KLHL29: variants seen among roughly 807,000 people sequenced by gnomAD.
The protein encoded by KLHL29 is kelch like family member 29, also known as kelch-like protein 29.
KLHL29 carries 21 observed loss-of-function variants against 80.4 expected under a neutral mutation model. The ratio of observed to expected loss-of-function variants is 0.26; its 90% CI spans 0.19 to 0.38. KLHL29 has a LOEUF of 0.38. Among genes scored for constraint, KLHL29 ranks in the 10% least tolerant of loss-of-function variants. The pLI, the probability that KLHL29 is intolerant of heterozygous loss-of-function variation, is 1.00. For synonymous variants in KLHL29, 511 were observed against 526.8 expected, an observed-to-expected ratio of 0.97 and a Z score of 0.41; for missense variants, 867 against 1,223.9, an observed-to-expected ratio of 0.71 and a Z score of 4.35.
At chr2:23,410,582 C>T (rs756064360) in intron 1 of KLHL29, among the ~76,000 whole-genome samples, 3 of 152,026 alleles carry the variant, frequency 2.0e-5, no homozygotes, top group Admixed American at 6.6e-5. Flanking sequence ...ACAGAAATTT[C>T]GAGGAATCAT....
intron 5 of KLHL29, among the ~76,000 whole-genome samples, chr2:23,660,586 C>A (rs73922003): frequency 1.5e-4 from 23 of 152,348 alleles, no homozygotes; most frequent in African/African-American, 5.5e-4. Flanking sequence ...CAAAAAGGGA[C>A]AAGGGGCACA....
At chr2:23,650,527 G>T (rs1241093310) in intron 5 of KLHL29, among the ~76,000 whole-genome samples, 1 of 152,214 alleles carries the variant, frequency 6.6e-6, no homozygotes, top group African/African-American at 2.4e-5. Context: ...TCATCAGTCA[G>T]TGTTTGCTGG....
intron 2 of KLHL29, among the ~76,000 whole-genome samples, chr2:23,550,626 C>T (rs1409152491): frequency 1.3e-5 from 2 of 152,148 alleles, no homozygotes; most frequent in East Asian, 1.9e-4. Context: ...TATGATCTGC[C>T]GGCCATGTGA....
chr2:23,432,381 T>A (rs1663205742), intron 1 of KLHL29, among the ~76,000 whole-genome samples: 1 of 152,268 alleles, frequency 6.6e-6, no homozygotes, highest in African/African-American at 2.4e-5. Flanking sequence ...TTACAGTTAT[T>A]TCCCTGGTTA....
chr2:23,667,348 G>A (rs1670581160), intron 5 of KLHL29: 1 of 152,142 alleles, frequency 6.6e-6, no homozygotes, highest in South Asian at 2.1e-4. Context: ...AGAACAAAAA[G>A]GCAAAAACAT....
intron 3 of KLHL29, among the ~76,000 whole-genome samples, chr2:23,599,513 T>C (rs975572663): frequency 6.6e-6 from 1 of 150,906 alleles, no homozygotes; most frequent in Non-Finnish European, 1.5e-5. Flanking sequence ...TATTTTTCTA[T>C]ATTACATTCT....
At chr2:23,391,916 G>T (rs1263319525) in intron 1 of KLHL29, among the ~76,000 whole-genome samples, 4 of 152,138 alleles carry the variant, frequency 2.6e-5, no homozygotes, top group Non-Finnish European at 4.4e-5. Flanking sequence ...GCTTTCCTTG[G>T]GGGCTTGTCC....
intron 2 of KLHL29, among the ~76,000 whole-genome samples, chr2:23,552,178 A>C (rs1667147927): frequency 6.6e-6 from 1 of 152,202 alleles, no homozygotes; most frequent in African/African-American, 2.4e-5. Flanking sequence ...GGCTTTGTGT[A>C]ACTGAAACTT....
At chr2:23,387,856 A>G (rs1666224405) in intron 1 of KLHL29, among the ~76,000 whole-genome samples, 2 of 152,246 alleles carry the variant, frequency 1.3e-5, no homozygotes, top group African/African-American at 4.8e-5. Flanking sequence ...ATTTAATGGC[A>G]TTTAAATTGG....
rs1312494362 is a variant in KLHL29 at position 23,475,161 on chromosome 2, T to TC, written c.-153-395dup. Among the ~76,000 whole-genome samples the TC allele has an allele frequency of 2.0e-5, 3 of 152,296 alleles. No individual in the cohort carries two copies. The East Asian group carries it at 5.8e-4, about 29-fold the overall frequency. On this transcript the variant is annotated intron_variant, in intron 1 of 13. Coordinates refer to ENST00000486442, the MANE Select transcript of KLHL29 (RefSeq NM_052920.2). ...ATTAAAGACTTAAATGTTTTCTTTT[T>TC]CCCCATTGCTGGAGTTTCTTAGTTT...
At chr2:23,393,028 C>T (rs894496484) in intron 1 of KLHL29, among the ~76,000 whole-genome samples, 1 of 152,230 alleles carries the variant, frequency 6.6e-6, no homozygotes, top group Non-Finnish European at 1.5e-5. Flanking sequence ...CCATCTTGAG[C>T]CAGCATAGTA....
chr2:23,508,814 A>AGG (rs923315892), intron 2 of KLHL29, among the ~76,000 whole-genome samples: 1 of 152,212 alleles, frequency 6.6e-6, no homozygotes, highest in Admixed American at 6.5e-5. Flanking sequence ...CCCTGATTGC[A>AGG]GGGACATTTA....
At chr2:23,577,382 C>T (rs1319386514) in intron 3 of KLHL29, among the ~76,000 whole-genome samples, 1 of 152,092 alleles carries the variant, frequency 6.6e-6, no homozygotes, top group South Asian at 2.1e-4. Flanking sequence ...ACCCAGGAGG[C>T]GGAGGTTGCA....
chr2:23,649,183 A>G (rs941281227), intron 5 of KLHL29, among the ~76,000 whole-genome samples: 13 of 152,174 alleles, frequency 8.5e-5, no homozygotes, highest in African/African-American at 3.1e-4. Flanking sequence ...GGCTCACAAC[A>G]TGGATCTGAA....
Position 23,706,703 on chromosome 2 carries a change from T to G in KLHL29, c.*39T>G. The G allele has an allele frequency of 7.1e-7, 1 of 1,418,144 alleles. No individual in the cohort carries two copies. Among genetic ancestry groups the G allele is most frequent in the Non-Finnish European group, 9.3e-7 (1 of 1,076,642 alleles). 87.8% of individuals were successfully genotyped at this position (1,418,144 alleles called of 1,614,324 possible). A position where few individuals can be genotyped will look rare whatever the true frequency, so the allele number is the denominator to read the frequency against. On this transcript the variant is annotated 3_prime_UTR_variant, in exon 14 of 14. Coordinates refer to ENST00000486442, the MANE Select transcript of KLHL29 (RefSeq NM_052920.2). The stretch of plus-strand genomic sequence containing the variant: ...CCCACGATAAGACTGTGGACAAGTC[T>G]GGTGAGGCAAGTGCCACGCAATGAT...
At chr2:23,602,673 G>A (rs935089688) in intron 3 of KLHL29, among the ~76,000 whole-genome samples, 10 of 148,258 alleles carry the variant, frequency 6.7e-5, no homozygotes, top group South Asian at 2.1e-4. Flanking sequence ...GACTGGTCTC[G>A]AACTCCTGGG....
intron 1 of KLHL29, among the ~76,000 whole-genome samples, chr2:23,386,898 C>A (rs1248487201): frequency 6.6e-6 from 1 of 152,084 alleles, no homozygotes; most frequent in Non-Finnish European, 1.5e-5. Flanking sequence ...GAGGGGGTGG[C>A]GGCCACGCGC....
At chr2:23,440,902 C>A (rs911895297) in intron 1 of KLHL29, among the ~76,000 whole-genome samples, 17 of 152,280 alleles carry the variant, frequency 1.1e-4, no homozygotes, top group Non-Finnish European at 1.9e-4. Context: ...TAGTTCAACC[C>A]TTGTGGAAGT....
intron 5 of KLHL29, among the ~76,000 whole-genome samples, chr2:23,653,023 C>G (rs192592014): frequency 1.2e-4 from 19 of 152,272 alleles, no homozygotes; most frequent in African/African-American, 4.6e-4. Context: ...ACCTACCCTA[C>G]CCCCATGCCC....
Sources: allele counts gnomAD v4.1 joint callset (sites outside exome capture counted in the v4.1 genomes callset), GRCh38; gene constraint gnomAD v4.1.1; transcripts MANE v1.5; gene names NCBI Gene and HGNC (gene_info 2026-07-23, HGNC 2026-07-21).